MDFIC2: variants seen among roughly 807,000 people sequenced by gnomAD.
The protein encoded by MDFIC2 is MyoD family inhibitor domain containing 2.
chr3:70,229,763 T>C (rs902348328), intron 2 of MDFIC2, among the ~76,000 whole-genome samples: 5 of 152,144 alleles, frequency 3.3e-5, no homozygotes, highest in African/African-American at 1.2e-4. Context: ...CCTAGGGATA[T>C]CTATCTGCAT....
chr3:70,287,825 G>C (rs1315177275), intron 2 of MDFIC2, among the ~76,000 whole-genome samples: 7 of 151,226 alleles, frequency 4.6e-5, no homozygotes, highest in Non-Finnish European at 7.4e-5. Context: ...ATTTCTTCTA[G>C]ATTTTCTAGT....
At chr3:70,263,195 G>T (rs1267305576) in intron 2 of MDFIC2, among the ~76,000 whole-genome samples, 3 of 151,698 alleles carry the variant, frequency 2.0e-5, no homozygotes, top group African/African-American at 7.3e-5. Flanking sequence ...TTTCCTTCTG[G>T]TTATGGATCA....
At chr3:70,268,597 C>T (rs184128542) in intron 2 of MDFIC2, among the ~76,000 whole-genome samples, 2 of 152,130 alleles carry the variant, frequency 1.3e-5, no homozygotes, top group Admixed American at 6.5e-5. Context: ...TGGTGATGTA[C>T]CTTCTATGGG....
intron 2 of MDFIC2, among the ~76,000 whole-genome samples, chr3:70,212,549 T>C (rs150903212): frequency 6.6e-6 from 1 of 152,252 alleles, no homozygotes; most frequent in Non-Finnish European, 1.5e-5. Flanking sequence ...TGCTTTTTCA[T>C]TTCCATTACT....
At chr3:70,284,555 T>C (rs974031138) in intron 2 of MDFIC2, among the ~76,000 whole-genome samples, 12 of 152,152 alleles carry the variant, frequency 7.9e-5, no homozygotes, top group Non-Finnish European at 1.3e-4. Flanking sequence ...CACCACGGAA[T>C]ACTATGCAGC....
At chr3:70,272,948 C>T (rs1169329525) in intron 2 of MDFIC2, among the ~76,000 whole-genome samples, 8 of 152,196 alleles carry the variant, frequency 5.3e-5, no homozygotes, top group Non-Finnish European at 1.2e-4. Context: ...GAGTCATTTA[C>T]AGCCCTGTGC....
intron 2 of MDFIC2, among the ~76,000 whole-genome samples, chr3:70,242,381 T>C (rs1271678558): frequency 6.6e-6 from 1 of 152,204 alleles, no homozygotes; most frequent in African/African-American, 2.4e-5. Context: ...TTTTTCCCAT[T>C]TGTGGAAAAT....
At chr3:70,298,034 A>G (rs564824656) in intron 2 of MDFIC2, among the ~76,000 whole-genome samples, 36 of 152,232 alleles carry the variant, frequency 2.4e-4, no homozygotes, top group African/African-American at 6.0e-4. Context: ...GGTCACATCT[A>G]AGATTGACAA....
At chr3:70,235,724 A>G (rs931048571) in intron 2 of MDFIC2, among the ~76,000 whole-genome samples, 1 of 152,148 alleles carries the variant, frequency 6.6e-6, no homozygotes, top group African/African-American at 2.4e-5. Flanking sequence ...TTGGCATTCA[A>G]ATCAGGCCAT....
chr3:70,276,506 T>A (rs1702028027), intron 2 of MDFIC2, among the ~76,000 whole-genome samples: 1 of 152,226 alleles, frequency 6.6e-6, no homozygotes, highest in African/African-American at 2.4e-5. Flanking sequence ...TACGAAATTT[T>A]AAGAATTATG....
At chr3:70,297,192 A>G (rs185883929) in intron 2 of MDFIC2, among the ~76,000 whole-genome samples, 2 of 152,280 alleles carry the variant, frequency 1.3e-5, no homozygotes, top group East Asian at 3.9e-4. Flanking sequence ...GATGATTTAA[A>G]TAAGTGTATG....
intron 2 of MDFIC2, among the ~76,000 whole-genome samples, chr3:70,231,741 A>G (rs950160289): frequency 6.6e-6 from 1 of 152,160 alleles, no homozygotes; most frequent in African/African-American, 2.4e-5. Context: ...GGAGAGAAGA[A>G]ATGGGACAAA....
At chr3:70,266,825 A>G (rs1360141133) in intron 2 of MDFIC2, among the ~76,000 whole-genome samples, 1 of 152,256 alleles carries the variant, frequency 6.6e-6, no homozygotes, top group East Asian at 1.9e-4. Context: ...ATATCAGTCC[A>G]GAAGGTACAC....
At chr3:70,237,262 T>C (rs1246189262) in intron 2 of MDFIC2, among the ~76,000 whole-genome samples, 1 of 152,256 alleles carries the variant, frequency 6.6e-6, no homozygotes, top group African/African-American at 2.4e-5. Flanking sequence ...AAAGAATTAC[T>C]GCATCATATT....
Position 70,206,787 on chromosome 3 carries a change from G to T in MDFIC2, c.92C>A (p.Thr31Lys), listed in dbSNP as rs1049426213. Residue 31 changes from threonine (T) to lysine (K), a missense_variant, in exon 3 of 4, where the codon ACG becomes AAG. By Grantham distance (78) the Thr-to-Lys change is moderately conservative. Coordinates refer to ENST00000567252, the MANE Select transcript of MDFIC2 (RefSeq NM_001364677.1). ...TGCATGCTTTGCATTCGTGAGTTGCGTATCTAGAGGAAAAAAGAAAAAACA... is the reference window on the plus strand; with the variant it reads ...TGCATGCTTTGCATTCGTGAGTTGCTTATCTAGAGGAAAAAAGAAAAAACA... ...KNNISWLKED[T>K]QLTNAKHADE... is the part of the protein sequence containing the mutation. The T allele has an allele frequency of 2.5e-6, 1 of 397,432 alleles. No individual in the cohort carries two copies. Among genetic ancestry groups the T allele is most frequent in the Middle Eastern group, 6.3e-4 (1 of 1,582 alleles). The allele number at this position is 397,432 out of a possible 1,614,324, so 24.6% of individuals were successfully genotyped here.
chr3:70,272,750 C>T (rs1414435709), intron 2 of MDFIC2, among the ~76,000 whole-genome samples: 3 of 152,184 alleles, frequency 2.0e-5, no homozygotes, highest in Admixed American at 1.3e-4. Context: ...ATTATCCTTC[C>T]TCTAAATTCC....
At chr3:70,223,486 C>A (rs1175596292) in intron 2 of MDFIC2, among the ~76,000 whole-genome samples, 1 of 152,070 alleles carries the variant, frequency 6.6e-6, no homozygotes, top group African/African-American at 2.4e-5. Flanking sequence ...CCTTCCTGAG[C>A]AAAAGTTACT....
intron 2 of MDFIC2, among the ~76,000 whole-genome samples, chr3:70,305,114 CACA>C (rs1306487103): frequency 1.3e-5 from 2 of 152,150 alleles, no homozygotes; most frequent in African/African-American, 4.8e-5. Flanking sequence ...CAATCTCTAT[CACA>C]ACATCTTGTT....
intron 2 of MDFIC2, among the ~76,000 whole-genome samples, chr3:70,267,110 G>T (rs904083668): frequency 1.3e-5 from 2 of 152,124 alleles, no homozygotes; most frequent in African/African-American, 4.8e-5. Context: ...TGGGGAGGGG[G>T]TGGGAAGGAG....
Sources: allele counts gnomAD v4.1 joint callset (sites outside exome capture counted in the v4.1 genomes callset), GRCh38; gene constraint gnomAD v4.1.1; transcripts MANE v1.5; gene names NCBI Gene and HGNC (gene_info 2026-07-23, HGNC 2026-07-21).